DHX9: variants seen among roughly 807,000 people sequenced by gnomAD.
DHX9 encodes the protein DExH-box helicase 9.
DHX9 carries 27 observed loss-of-function variants against 148.7 expected under a neutral mutation model. The observed-to-expected ratio is 0.18, with a 90% CI of 0.13 to 0.25. DHX9 has a LOEUF of 0.25. Ranked by LOEUF, DHX9 falls within the 10% of genes least tolerant of loss-of-function variation. The pLI is 1.00. For synonymous variants in DHX9, 529 were observed against 516.6 expected (o/e 1.02, Z -0.33); for missense variants, 796 against 1,559.6 (o/e 0.51, Z 8.25).
At chr1:182,852,160 A>G (rs1265682915) in intron 3 of DHX9, 73 bp from the exon 4 acceptor site, 4 of 884,220 alleles carry the variant, frequency 4.5e-6, no homozygotes, top group African/African-American at 1.7e-5. Flanking sequence ...GGGTCCTTTT[A>G]AGTATTAAAA....
chr1:182,860,289 C>A, intron 12 of DHX9, 105 bp downstream of exon 12: 1 of 955,372 alleles, frequency 1.0e-6, no homozygotes, highest in Non-Finnish European at 1.5e-6. Context: ...GAGCATTGTG[C>A]CCTTGAAATT....
At chr1:182,850,330 C>T (rs1277018548) in intron 3 of DHX9, among the ~76,000 whole-genome samples, 1 of 151,916 alleles carries the variant, frequency 6.6e-6, no homozygotes, top group African/African-American at 2.4e-5. Flanking sequence ...CGTGGTGGCT[C>T]ACACCTGTAA....
chr1:182,857,014 G>A (rs1369690488), intron 7 of DHX9, among the ~76,000 whole-genome samples: 4 of 152,192 alleles, frequency 2.6e-5, no homozygotes, highest in African/African-American at 9.6e-5. Context: ...AAGCCCGGCT[G>A]ATTATTTTTT....
chr1:182,839,733 C>G (rs1385804950), intron 1 of DHX9: 1 of 152,418 alleles, frequency 6.6e-6, no homozygotes, highest in Non-Finnish European at 1.5e-5. Context: ...GCGCTTCCTC[C>G]TCTGGCCTGC....
intron 15 of DHX9, among the ~76,000 whole-genome samples, chr1:182,874,603 A>G (rs1315641713): frequency 6.6e-6 from 1 of 152,226 alleles, no homozygotes; most frequent in South Asian, 2.1e-4. Flanking sequence ...AATGTTATAC[A>G]CAGAGGATAC....
chr1:182,860,271 G>C, intron 12 of DHX9, 87 bp downstream of exon 12: 1 of 1,108,438 alleles, frequency 9.0e-7, no homozygotes, highest in Non-Finnish European at 1.3e-6. Flanking sequence ...AATTATTTAA[G>C]ATTGAGAGAG....
chr1:182,853,939 G>A, intron 5 of DHX9, 91 bp from the exon 6 acceptor site: 1 of 1,177,142 alleles, frequency 8.5e-7, no homozygotes, highest in South Asian at 1.5e-5. Context: ...GCATTATAAA[G>A]GATAGTACAA....
chr1:182,884,817 A>G lies in DHX9; in HGVS notation c.3461+4A>G, dbSNP rs1249920799. 6.2e-7 allele frequency: 1 copy of G among 1,614,008 alleles called. No homozygotes were observed. Among genetic ancestry groups the G allele is most frequent in the South Asian group, 1.1e-5 (1 of 91,084 alleles). The stretch of plus-strand genomic sequence containing the variant: ...ACCTTATGATTGGCAGTACACGGTG[A>G]GTACCAATATACTTCTTACTGAACC... On this transcript the variant is annotated splice_donor_region_variant and intron_variant, in intron 27 of 27. Transcript: ENST00000367549.
At chr1:182,848,004 T>TA (rs901077577) in intron 3 of DHX9, among the ~76,000 whole-genome samples, 2 of 152,212 alleles carry the variant, frequency 1.3e-5, no homozygotes, top group Admixed American at 1.3e-4. Context: ...TGTTTCCTAT[T>TA]AAATGCTCTG....
intron 9 of DHX9, 29 bp from the exon 10 acceptor site, chr1:182,858,704 T>C: frequency 6.2e-7 from 1 of 1,612,942 alleles, no homozygotes; most frequent in Non-Finnish European, 8.5e-7. Flanking sequence ...AAATCATATT[T>C]TTTGTTTGTT....
At chr1:182,859,395 TAAA>T (rs1297184135) in intron 11 of DHX9, among the ~76,000 whole-genome samples, 1 of 152,124 alleles carries the variant, frequency 6.6e-6, no homozygotes, top group East Asian at 1.9e-4. Flanking sequence ...GTTTTCCAAA[TAAA>T]AAATTAAAAT....
Position 182,872,610 on chromosome 1 carries a change from T to C in DHX9, c.1714+117T>C, listed in dbSNP as rs917949785. ...ACTTAAAATACAGGACAAATTATAG[T>C]ATCAAATGTATCATAGCATTTTTGA... On this transcript the variant is annotated intron_variant, in intron 15 of 27. Transcript: ENST00000367549. The C allele has an allele frequency of 3.7e-6, 4 of 1,090,696 alleles. No individual in the cohort carries two copies. The Admixed American group carries it at 9.8e-5, about 27-fold the overall frequency. 67.6% of individuals were successfully genotyped at this position (1,090,696 alleles called of 1,614,324 possible).
At chr1:182,854,277 G>T (rs1283341583) in intron 6 of DHX9, 99 bp downstream of exon 6, 2 of 1,110,506 alleles carry the variant, frequency 1.8e-6, no homozygotes, top group South Asian at 2.0e-5. Context: ...CTGGTTAATT[G>T]TGTGGATTAG....
intron 14 of DHX9, among the ~76,000 whole-genome samples, chr1:182,868,409 C>T (rs535446495): frequency 4.9e-4 from 74 of 151,384 alleles, no homozygotes; most frequent in African/African-American, 1.8e-3. Context: ...AACTGTTATG[C>T]TTGAAATGTG....
At chr1:182,858,339 C>A in intron 8 of DHX9, 99 bp downstream of exon 8, 1 of 1,403,160 alleles carries the variant, frequency 7.1e-7, no homozygotes, top group Non-Finnish European at 9.8e-7. Flanking sequence ...AGAATCTTAC[C>A]TCAGGAAATG....
intron 2 of DHX9, 126 bp downstream of exon 2, chr1:182,842,803 CTT>C (rs1343542645): frequency 1.6e-6 from 1 of 611,850 alleles, no homozygotes; most frequent in Non-Finnish European, 2.7e-6. Context: ...TTTATTGTGA[CTT>C]GACTGCTATT....
intron 12 of DHX9, among the ~76,000 whole-genome samples, chr1:182,864,483 T>A (rs1207172241): frequency 6.6e-6 from 1 of 152,182 alleles, no homozygotes; most frequent in Non-Finnish European, 1.5e-5. Flanking sequence ...AATTGTTGGG[T>A]CAGAGGGTAT....
At chr1:182,878,545 A>G (rs1200111016) in intron 20 of DHX9, among the ~76,000 whole-genome samples, 4 of 152,166 alleles carry the variant, frequency 2.6e-5, no homozygotes, top group Non-Finnish European at 4.4e-5. Context: ...GTATTAAATG[A>G]TTTAATAATG....
intron 27 of DHX9, among the ~76,000 whole-genome samples, chr1:182,885,652 G>T (rs1010935882): frequency 5.9e-5 from 9 of 152,118 alleles, no homozygotes; most frequent in Non-Finnish European, 1.3e-4. Flanking sequence ...TGTAAGATGG[G>T]TAGATTGTTA....
Sources: gnomAD v4.1 joint callset for allele counts (sites outside exome capture counted in the v4.1 genomes callset) on GRCh38, gnomAD v4.1.1 for gene constraint, MANE v1.5 for transcripts, NCBI Gene and HGNC (gene_info 2026-07-23, HGNC 2026-07-21) for gene names.